C6orf118: variants seen among roughly 807,000 people sequenced by gnomAD.
C6orf118 encodes the protein chromosome 6 open reading frame 118.
In C6orf118, 50 loss-of-function variants were observed where a neutral mutation model predicts 50.2. The observed-to-expected ratio is 1.00, with a 90% CI of 0.79 to 1.26. C6orf118 has a LOEUF of 1.26. Ranked by LOEUF, C6orf118 falls within the 50% of genes most tolerant of loss-of-function variation. The probability of loss-of-function intolerance (pLI) is 0.00; values close to 1 mark genes in which losing one functional copy is unlikely to be tolerated. For missense variants in C6orf118, 641 were observed against 578.7 expected (o/e 1.11, Z -1.10); for synonymous variants, 239 against 230.9 (o/e 1.03, Z -0.32).
intron 7 of C6orf118, among the ~76,000 whole-genome samples, chr6:165,285,296 A>G (rs554646246): frequency 2.0e-5 from 3 of 152,322 alleles, no homozygotes; most frequent in African/African-American, 7.2e-5. Context: ...CCAGTATAAG[A>G]GCACCCAGAT....
At chr6:165,309,291 C>G (rs907098371) in intron 1 of C6orf118, among the ~76,000 whole-genome samples, 1 of 152,224 alleles carries the variant, frequency 6.6e-6, no homozygotes, top group African/African-American at 2.4e-5. Flanking sequence ...CTCCAACACA[C>G]GGCGCGTCCG....
At chr6:165,301,062 C>A (rs1056231138) in intron 2 of C6orf118, among the ~76,000 whole-genome samples, 2 of 152,176 alleles carry the variant, frequency 1.3e-5, no homozygotes, top group Non-Finnish European at 2.9e-5. Flanking sequence ...ACTGTTGCAG[C>A]CACATGGCCT....
Position 165,301,588 on chromosome 6 carries a change from T to C in C6orf118, c.734A>G (p.His245Arg), listed in dbSNP as rs1385776068. The C allele has an allele frequency of 3.7e-6, 6 of 1,613,110 alleles. No individual in the cohort carries two copies. The highest frequency in any genetic ancestry group is 5.1e-6 in the Non-Finnish European group (6 of 1,179,542). Residue 245 changes from histidine (H) to arginine (R), a missense_variant, in exon 2 of 9, where the codon CAC (histidine) becomes CGC (arginine). His to Arg is a conservative substitution (Grantham distance 29). Transcript: ENST00000230301. The part of the protein sequence containing the change: ...DFTGSKAAAG[H>R]ERKLQQELQK... ...CCTCACCTGCTGCAGCTTTCTCTCG[T>C]GGCCCGCGGCCGCCTTGCTCCCAGT...
At chr6:165,294,423 G>C (rs931666433) in intron 5 of C6orf118, among the ~76,000 whole-genome samples, 1 of 152,014 alleles carries the variant, frequency 6.6e-6, no homozygotes, top group Non-Finnish European at 1.5e-5. Flanking sequence ...AGTCTAACAG[G>C]TATTACATAT....
In C6orf118 at chr6:165,297,998, G is replaced by C; in HGVS notation, c.1040C>G (p.Ala347Gly). Residue 347 changes from alanine to glycine, a missense_variant, in exon 5 of 9, where the codon GCA becomes GGA. By Grantham distance (60) the Ala-to-Gly change is moderately conservative (BLOSUM62 0). Coordinates refer to ENST00000230301, the MANE Select transcript of C6orf118 (RefSeq NM_144980.4). ...ELRMLVTATK[A>G]ALEQNDRLRS... ...TCACCTATCATTCTGCTCCAGGGCT[G>C]CTTTTGTGGCTGTCACGAGCATCCT... 6.2e-7 allele frequency: 1 copy of C among 1,613,914 alleles called. No homozygotes were observed. Among genetic ancestry groups the C allele is most frequent in the Non-Finnish European group, 8.5e-7 (1 of 1,180,034 alleles).
intron 5 of C6orf118, among the ~76,000 whole-genome samples, chr6:165,297,282 G>A (rs764195421): frequency 1.6e-4 from 24 of 151,874 alleles, no homozygotes; most frequent in African/African-American, 3.9e-4. Flanking sequence ...TTAGCCGGGC[G>A]TGGTGGTACA....
At position 165,283,848 on chromosome 6, in the gene C6orf118, G is replaced by C. The variant is rs369283798; in HGVS notation, c.1303-2155C>G. On this transcript the variant is annotated intron_variant, in intron 7 of 8. Transcript: ENST00000230301. Reference sequence around the variant, plus strand: ...TCAGCACTCTCAAAGATCAAAGATAGATAAGTGCATGAAGATGAGAAAGAA... The same window carrying C: ...TCAGCACTCTCAAAGATCAAAGATACATAAGTGCATGAAGATGAGAAAGAA... 6.6e-5 allele frequency among the ~76,000 whole-genome samples: 10 copies of C among 152,332 alleles called. No homozygotes were observed. In the South Asian group the frequency reaches 1.0e-3, roughly 16 times the overall value.
intron 5 of C6orf118, among the ~76,000 whole-genome samples, 161 bp downstream of exon 5, chr6:165,297,816 T>G (rs1780363705): frequency 6.6e-6 from 1 of 152,136 alleles, no homozygotes; most frequent in Admixed American, 6.5e-5. Context: ...GTCACATAGG[T>G]GATGGCCTGT....
intron 1 of C6orf118, among the ~76,000 whole-genome samples, chr6:165,306,658 C>G (rs1350671213): frequency 6.6e-6 from 1 of 151,488 alleles, no homozygotes; most frequent in Non-Finnish European, 1.5e-5. Context: ...TGTACCAACT[C>G]TATGGAAGAT....
At chr6:165,294,278 A>AAACC (rs1562328739) in intron 5 of C6orf118, among the ~76,000 whole-genome samples, 14 of 150,358 alleles carry the variant, frequency 9.3e-5, no homozygotes, top group African/African-American at 3.5e-4. Context: ...CAAAAAAAAA[A>AAACC]AAAGTAAATA....
chr6:165,308,182 C>G, intron 1 of C6orf118, among the ~76,000 whole-genome samples: 1 of 152,120 alleles, frequency 6.6e-6, no homozygotes. Context: ...AGCTGGCCAC[C>G]CTGACGCCAG....
intron 6 of C6orf118, chr6:165,293,173 A>T: frequency 2.1e-6 from 1 of 469,318 alleles, no homozygotes; most frequent in Non-Finnish European, 3.8e-6. Context: ...TTCCTCATGA[A>T]ATGCGTATTT....
rs141359276 is a variant in C6orf118, at chr6:165,298,071, G to T, written c.967C>A (p.Gln323Lys). The part of the protein sequence containing the change: ...ALLAQLKALG[Q>K]RPVKTADMDL... ...ATGTCCGCCGTCTTCACCGGCCTCT[G>T]CCCCAGCGCCTTGAGTTGAGCCAGA... Residue 323 changes from glutamine (Q) to lysine (K), a missense_variant, in exon 5 of 9, where the codon CAG becomes AAG. Gln to Lys is a moderately conservative substitution (Grantham distance 53, BLOSUM62 1). Transcript: ENST00000230301. 58 of 1,610,274 alleles carry T rather than the reference G, an allele frequency of 3.6e-5. No homozygotes were observed. The African/African-American group carries it at 7.1e-4, about 20-fold the overall frequency.
chr6:165,285,448 G>C (rs886873137), intron 7 of C6orf118, among the ~76,000 whole-genome samples: 2 of 152,072 alleles, frequency 1.3e-5, no homozygotes, highest in Non-Finnish European at 2.9e-5. Context: ...AGATCAAGTG[G>C]ACCTGATAGA....
intron 6 of C6orf118, among the ~76,000 whole-genome samples, chr6:165,291,209 GAAC>G (rs200253400): frequency 0.012 from 1,896 of 151,962 alleles, 19 homozygotes; most frequent in Middle Eastern, 0.041. Context: ...GAAGAGAAGT[GAAC>G]AACAACAACA....
At chr6:165,296,258 T>G (rs2208042) in intron 5 of C6orf118, among the ~76,000 whole-genome samples, 1,249 of 71,502 alleles carry the variant, frequency 0.017, 11 homozygotes, top group African/African-American at 0.047. Flanking sequence ...TTGTTTTTTT[T>G]TTTTTTTTTT....
intron 7 of C6orf118, among the ~76,000 whole-genome samples, chr6:165,283,105 C>T (rs373326813): frequency 5.9e-5 from 9 of 152,016 alleles, no homozygotes; most frequent in African/African-American, 1.7e-4. Flanking sequence ...CAGAGAAGAA[C>T]GAAAATGGCA....
chr6:165,286,673 C>A (rs768488443), intron 7 of C6orf118, among the ~76,000 whole-genome samples: 19 of 152,038 alleles, frequency 1.2e-4, no homozygotes, highest in Non-Finnish European at 2.6e-4. Flanking sequence ...AAGACAAAAA[C>A]CACATGATTA....
intron 6 of C6orf118, among the ~76,000 whole-genome samples, chr6:165,290,624 G>A (rs1297488879): frequency 6.6e-6 from 1 of 152,182 alleles, no homozygotes; most frequent in African/African-American, 2.4e-5. Flanking sequence ...TGTGACCTAT[G>A]TTAAGAAATC....
Sources: gnomAD v4.1 joint callset for allele counts (sites outside exome capture counted in the v4.1 genomes callset) on GRCh38, gnomAD v4.1.1 for gene constraint, MANE v1.5 for transcripts, NCBI Gene and HGNC (gene_info 2026-07-23, HGNC 2026-07-21) for gene names.